NELL2: variants seen among roughly 807,000 people sequenced by gnomAD.
The protein encoded by NELL2 is neural EGFL like 2.
NELL2 carries 41 observed loss-of-function variants against 109.6 expected under a neutral mutation model. That is an observed-to-expected ratio of 0.37 (90% confidence interval 0.29 to 0.49). The LOEUF is 0.49. NELL2 is among the 20% of genes least tolerant of loss of function. The pLI is 0.98. For synonymous variants in NELL2, 355 were observed against 344.7 expected, an observed-to-expected ratio of 1.03 and a Z score of -0.33; for missense variants, 900 against 1,008.3, an observed-to-expected ratio of 0.89 and a Z score of 1.45.
chr12:44,887,211 T>C (rs927013952), intron 1 of NELL2, among the ~76,000 whole-genome samples: 1 of 152,012 alleles, frequency 6.6e-6, no homozygotes, highest in Admixed American at 6.5e-5. Context: ...GCAATGAGAT[T>C]TCACTATATT....
intron 13 of NELL2, among the ~76,000 whole-genome samples, chr12:44,623,304 G>T (rs931568263): frequency 2.0e-5 from 3 of 152,074 alleles, no homozygotes; most frequent in African/African-American, 7.2e-5. Context: ...GACATAGATA[G>T]ATATTAAGTA....
At chr12:44,896,161 T>C (rs1422830010) in intron 1 of NELL2, among the ~76,000 whole-genome samples, 1 of 152,176 alleles carries the variant, frequency 6.6e-6, no homozygotes, top group Non-Finnish European at 1.5e-5. Flanking sequence ...AGCAAGGAGA[T>C]GTCATTTTTT....
chr12:44,854,445 G>C (rs1178826974), intron 2 of NELL2, among the ~76,000 whole-genome samples: 1 of 152,096 alleles, frequency 6.6e-6, no homozygotes, highest in Non-Finnish European at 1.5e-5. Flanking sequence ...GATTGTCAGA[G>C]AGATGAAAAA....
At chr12:44,582,077 G>A (rs1005095267) in intron 15 of NELL2, among the ~76,000 whole-genome samples, 1 of 152,138 alleles carries the variant, frequency 6.6e-6, no homozygotes, top group African/African-American at 2.4e-5. Context: ...CTCAAAGAAG[G>A]TAGAGACAAG....
chr12:44,678,510 C>T (rs1456188695), intron 12 of NELL2, among the ~76,000 whole-genome samples: 1 of 151,922 alleles, frequency 6.6e-6, no homozygotes, highest in African/African-American at 2.4e-5. Flanking sequence ...GGTGTTGATA[C>T]CAAAAGGTAG....
intron 15 of NELL2, among the ~76,000 whole-genome samples, chr12:44,591,432 A>G (rs1418139365): frequency 3.9e-5 from 6 of 152,096 alleles, no homozygotes. Context: ...ACATGATGGA[A>G]TACTACTCAG....
At chr12:44,530,574 A>G (rs1482058814) in intron 16 of NELL2, among the ~76,000 whole-genome samples, 2 of 152,184 alleles carry the variant, frequency 1.3e-5, no homozygotes, top group African/African-American at 4.8e-5. Context: ...GCTAACAAAT[A>G]TAAAGTGTGA....
chr12:44,854,794 A>G (rs1175746140), intron 2 of NELL2, among the ~76,000 whole-genome samples: 1 of 151,578 alleles, frequency 6.6e-6, no homozygotes. Flanking sequence ...AAGGATAGCT[A>G]TTCCAAAAAA....
chr12:44,919,919 A>G (rs1945856484), intron 1 of NELL2, among the ~76,000 whole-genome samples: 1 of 152,192 alleles, frequency 6.6e-6, no homozygotes, highest in African/African-American at 2.4e-5. Context: ...AAAGATAGAA[A>G]ATGAGTGTTC....
At chr12:44,522,253 ATTT>A in intron 17 of NELL2, 77 bp from the exon 18 acceptor site, 1 of 1,201,122 alleles carries the variant, frequency 8.3e-7, no homozygotes, top group Non-Finnish European at 1.2e-6. Context: ...ACGCACACAC[ATTT>A]CAGATGGTGA....
chr12:44,683,114 C>G (rs1566152662), intron 12 of NELL2, among the ~76,000 whole-genome samples: 1 of 152,092 alleles, frequency 6.6e-6, no homozygotes, highest in African/African-American at 2.4e-5. Flanking sequence ...GTTTGTAGTT[C>G]TCCTTGAAGA....
intron 13 of NELL2, among the ~76,000 whole-genome samples, chr12:44,648,900 T>TTGTGTGTGTCTGTG (rs1947198703): frequency 9.3e-6 from 1 of 107,148 alleles, no homozygotes; most frequent in African/African-American, 3.9e-5. Flanking sequence ...CACGCCCAGC[T>TTGTGTGTGTCTGTG]TGTGTGTGTG....
At chr12:44,733,059 G>A (rs1450774086) in intron 9 of NELL2, among the ~76,000 whole-genome samples, 1 of 151,830 alleles carries the variant, frequency 6.6e-6, no homozygotes, top group Non-Finnish European at 1.5e-5. Flanking sequence ...AACAAAAACA[G>A]AAAATAACAA....
intron 1 of NELL2, among the ~76,000 whole-genome samples, chr12:44,901,386 C>A (rs1338173212): frequency 6.6e-6 from 1 of 152,110 alleles, no homozygotes; most frequent in Non-Finnish European, 1.5e-5. Flanking sequence ...ATAAAAAGTC[C>A]TGAAATTGAG....
chr12:44,545,893 A>G (rs1942775476), intron 15 of NELL2, among the ~76,000 whole-genome samples: 2 of 152,254 alleles, frequency 1.3e-5, no homozygotes, highest in South Asian at 2.1e-4. Flanking sequence ...AATAGCAAAG[A>G]TTAGATTGAA....
rs10664645 is a variant in NELL2 at position 44,821,046 on chromosome 12, T to TACACACACAC, written c.185-4920_185-4911dup. 8.7e-5 allele frequency among the ~76,000 whole-genome samples: 13 copies of TACACACACAC among 148,960 alleles called. No individual in the cohort carries two copies. The South Asian group carries it at 1.5e-3, about 17-fold the overall frequency. ...GGGCAGCATATATAAGCTTTATAAA[T>TACACACACAC]ACACACACACACACACACACACACG... On this transcript the variant is annotated intron_variant, in intron 2 of 19. Transcript: ENST00000429094.
intron 9 of NELL2, among the ~76,000 whole-genome samples, chr12:44,743,902 G>C (rs1471712785): frequency 2.6e-5 from 4 of 152,066 alleles, no homozygotes; most frequent in African/African-American, 9.7e-5. Flanking sequence ...GAGACAGAAA[G>C]TTAACAAGGA....
At chr12:44,747,892 C>G (rs1245531414) in intron 9 of NELL2, among the ~76,000 whole-genome samples, 1 of 152,138 alleles carries the variant, frequency 6.6e-6, no homozygotes, top group East Asian at 1.9e-4. Context: ...TGCATGCTAA[C>G]TGGTAGAGAA....
chr12:44,685,364 A>T (rs1309857892), intron 12 of NELL2, among the ~76,000 whole-genome samples: 1 of 152,046 alleles, frequency 6.6e-6, no homozygotes, highest in African/African-American at 2.4e-5. Context: ...TTGACTCTTT[A>T]TCCAATTTGC....
Sources: allele counts gnomAD v4.1 joint callset (sites outside exome capture counted in the v4.1 genomes callset), GRCh38; gene constraint gnomAD v4.1.1; transcripts MANE v1.5; gene names NCBI Gene and HGNC (gene_info 2026-07-23, HGNC 2026-07-21).